The following SIL1 variants were observed in gnomAD, a reference collection of about 807,000 sequenced individuals.
The protein encoded by SIL1 is nucleotide exchange factor SIL1.
SIL1 carries 40 observed loss-of-function variants against 49.1 expected under a neutral mutation model. The ratio of observed to expected loss-of-function variants is 0.81; its 90% CI spans 0.63 to 1.06. The LOEUF (loss-of-function observed/expected upper bound fraction) is 1.06, where lower values mean the gene tolerates loss of function less well. Ranked by LOEUF, SIL1 falls within the 50% of genes least tolerant of loss-of-function variation. SIL1 has a pLI of 0.00. For missense variants in SIL1, 500 were observed against 572.6 expected (o/e 0.87, Z 1.29); for synonymous variants, 253 against 250.8 (o/e 1.01, Z -0.08).
intron 1 of SIL1, among the ~76,000 whole-genome samples, 181 bp downstream of exon 1, chr5:139,198,088 T>C (rs1390601862): frequency 6.6e-6 from 1 of 152,122 alleles, no homozygotes; most frequent in Admixed American, 6.5e-5. Flanking sequence ...ATAAGAAAGG[T>C]AGGCCTTCGG....
At chr5:138,981,346 T>C (rs1276011066) in intron 7 of SIL1, among the ~76,000 whole-genome samples, 1 of 152,114 alleles carries the variant, frequency 6.6e-6, no homozygotes, top group Admixed American at 6.5e-5. Flanking sequence ...ACTCAGGTTC[T>C]CAACAGTCTC....
At chr5:139,096,071 GC>G (rs1770455325) in intron 3 of SIL1, among the ~76,000 whole-genome samples, 1 of 152,160 alleles carries the variant, frequency 6.6e-6, no homozygotes. Context: ...GCCTTGGATT[GC>G]TAACGCCCAC....
chr5:139,013,534 G>C (rs553782311), intron 7 of SIL1: 62 of 152,170 alleles, frequency 4.1e-4, no homozygotes, highest in African/African-American at 1.4e-3. Context: ...CTTAGGATTT[G>C]AGCTTTCCAT....
chr5:139,191,874 A>C (rs1442027715), intron 1 of SIL1, among the ~76,000 whole-genome samples: 1 of 152,044 alleles, frequency 6.6e-6, no homozygotes, highest in Non-Finnish European at 1.5e-5. Flanking sequence ...CAGGAGTTTG[A>C]GACCAGCCTG....
chr5:138,982,070 T>A (rs563682795), intron 7 of SIL1, among the ~76,000 whole-genome samples: 1 of 152,358 alleles, frequency 6.6e-6, no homozygotes, highest in East Asian at 1.9e-4. Context: ...GAGCATGCAG[T>A]GACTCTCAGC....
In SIL1 at chr5:138,947,506, G is replaced by A. The variant is rs1209614866; in HGVS notation, c.1030-33C>T. 6.3e-7 allele frequency: 1 copy of A among 1,591,464 alleles called. No individual in the cohort carries two copies. Among genetic ancestry groups the A allele is most frequent in the East Asian group, 2.2e-5 (1 of 44,762 alleles). On this transcript the variant is annotated intron_variant, in intron 9 of 9. Transcript: ENST00000394817. The surrounding 1 kb of genome is among the most constrained non-coding windows in gnomAD (Gnocchi z 4.1). ...CCGCCACAGCCGCAGGCCAGGTAGGGTGGGGGTGGGGAGAGAACACACAGG... is the reference window on the plus strand; with the variant it reads ...CCGCCACAGCCGCAGGCCAGGTAGGATGGGGGTGGGGAGAGAACACACAGG...
chr5:139,167,200 AC>A (rs1472871513), intron 1 of SIL1, among the ~76,000 whole-genome samples: 1 of 141,976 alleles, frequency 7.0e-6, no homozygotes, highest in Non-Finnish European at 1.5e-5. Context: ...AGTAACCCCC[AC>A]CCCCCGCCTC....
rs117255718 is a variant in SIL1, at chr5:139,126,877, A to G, written c.105+862T>C. On this transcript the variant is annotated intron_variant, in intron 2 of 9. Coordinates refer to ENST00000394817, the MANE Select transcript of SIL1 (RefSeq NM_022464.5). ...TCCAGAGCTTCCAGCGCTTTATCCA[A>G]CATTTAGTGGGAGCCCTGGGGGTTG... Among the ~76,000 whole-genome samples the G allele has an allele frequency of 4.0e-4, 61 of 152,266 alleles. No individual in the cohort carries two copies. The East Asian group carries it at 0.011, about 27-fold the overall frequency.
chr5:139,042,915 G>A (rs1470788954), intron 4 of SIL1, among the ~76,000 whole-genome samples, 196 bp from the exon 5 acceptor site: 1 of 152,194 alleles, frequency 6.6e-6, no homozygotes, highest in African/African-American at 2.4e-5. Context: ...AGGATCACTT[G>A]AGCCCAGGGG....
chr5:139,002,818 C>T (rs1392069360), intron 7 of SIL1, among the ~76,000 whole-genome samples: 2 of 152,174 alleles, frequency 1.3e-5, no homozygotes, highest in Non-Finnish European at 1.5e-5. Context: ...AACTAGCCCA[C>T]GTATAGTTTG....
intron 7 of SIL1, among the ~76,000 whole-genome samples, chr5:138,953,694 A>T (rs75060853): frequency 1.7e-5 from 1 of 57,706 alleles, no homozygotes; most frequent in African/African-American, 9.8e-5. Context: ...CCTGCCCCCC[A>T]CGACTTGAGA....
chr5:139,026,065 C>A (rs1203365495), intron 6 of SIL1, among the ~76,000 whole-genome samples: 2 of 152,202 alleles, frequency 1.3e-5, no homozygotes, highest in Non-Finnish European at 2.9e-5. Flanking sequence ...AATGTCACAT[C>A]CTCTGAGAAG....
intron 3 of SIL1, among the ~76,000 whole-genome samples, chr5:139,118,975 C>T (rs775393641): frequency 9.9e-5 from 15 of 152,198 alleles, no homozygotes; most frequent in Non-Finnish European, 2.2e-4. Flanking sequence ...ATGGGGCAGG[C>T]ATGACCGGAA....
intron 1 of SIL1, among the ~76,000 whole-genome samples, chr5:139,184,645 G>C (rs1752046857): frequency 6.6e-6 from 1 of 152,144 alleles, no homozygotes; most frequent in South Asian, 2.1e-4. Flanking sequence ...TGTTACTCCA[G>C]CCTGGGTGTG....
chr5:139,140,254 A>G (rs1424239925), intron 1 of SIL1, among the ~76,000 whole-genome samples: 1 of 151,712 alleles, frequency 6.6e-6, no homozygotes, highest in African/African-American at 2.4e-5. Flanking sequence ...TGGGCGACAG[A>G]GCAAGACTCT....
At chr5:139,005,230 T>C (rs1462948986) in intron 7 of SIL1, among the ~76,000 whole-genome samples, 1 of 144,694 alleles carries the variant, frequency 6.9e-6, no homozygotes, top group Non-Finnish European at 1.5e-5. Context: ...TAAATACATA[T>C]AATTTTATCT....
chr5:139,006,512 A>T (rs1768122275), intron 7 of SIL1, among the ~76,000 whole-genome samples: 1 of 140,168 alleles, frequency 7.1e-6, no homozygotes, highest in Non-Finnish European at 1.6e-5. Context: ...GGTGTTTTGG[A>T]CATGAAGTCC....
chr5:139,035,726 G>A (rs550417700), intron 5 of SIL1: 152 of 192,736 alleles, frequency 7.9e-4, no homozygotes, highest in Non-Finnish European at 2.4e-4. Flanking sequence ...TTGGCTCACT[G>A]CAAGCTCCGC....
At chr5:139,025,922 T>C (rs563776482) in intron 6 of SIL1, among the ~76,000 whole-genome samples, 3 of 152,310 alleles carry the variant, frequency 2.0e-5, no homozygotes. Flanking sequence ...GGGGTTGCTG[T>C]GCCCCAATAA....
Sources: gnomAD v4.1 joint callset for allele counts (sites outside exome capture counted in the v4.1 genomes callset) on GRCh38, gnomAD v4.1.1 for gene constraint, Gnocchi (gnomAD v3.1) non-coding constraint, MANE v1.5 for transcripts, NCBI Gene and HGNC (gene_info 2026-07-23, HGNC 2026-07-21) for gene names.